The following ASPSCR1 variants were observed in gnomAD, a reference collection of about 807,000 sequenced individuals.
ASPSCR1 encodes the protein ASPSCR1 tether for SLC2A4, UBX domain containing.
ASPSCR1 carries 55 observed loss-of-function variants against 68.9 expected under a neutral mutation model. That is an observed-to-expected ratio of 0.80 (90% CI 0.64 to 1.00). ASPSCR1 has a LOEUF of 1.00. Among genes scored for constraint, ASPSCR1 ranks in the 50% least tolerant of loss-of-function variants. The probability of loss-of-function intolerance (pLI) is 0.00; values close to 1 mark genes in which losing one functional copy is unlikely to be tolerated. For synonymous variants in ASPSCR1, 352 were observed against 332.6 expected, an observed-to-expected ratio of 1.06 and a Z score of -0.63; for missense variants, 765 against 762.2, an observed-to-expected ratio of 1.00 and a Z score of -0.04.
intron 7 of ASPSCR1, among the ~76,000 whole-genome samples, chr17:82,000,377 C>T (rs1470172352): frequency 2.0e-5 from 3 of 152,112 alleles, no homozygotes; most frequent in African/African-American, 4.8e-5. Context: ...GCCTGCATGG[C>T]GTGCTGAGGG....
intron 10 of ASPSCR1, 59 bp from the exon 11 acceptor site, chr17:82,011,484 G>C: frequency 6.6e-7 from 1 of 1,504,896 alleles, no homozygotes; most frequent in Non-Finnish European, 9.0e-7. Flanking sequence ...CAGGTGCTGG[G>C]GCAGCCCGGG....
At chr17:81,998,429 C>T (rs1204030132) in intron 7 of ASPSCR1, among the ~76,000 whole-genome samples, 4 of 152,124 alleles carry the variant, frequency 2.6e-5, no homozygotes, top group African/African-American at 7.2e-5. Flanking sequence ...TGTGTTGCAG[C>T]GAATGGGCCT....
chr17:82,012,222 T>C lies in ASPSCR1; in HGVS notation c.1301-9T>C. The C allele has an allele frequency of 6.2e-7, 1 of 1,613,358 alleles. No homozygotes were observed. The highest frequency in any genetic ancestry group is 8.5e-7 in the Non-Finnish European group (1 of 1,179,718). On this transcript the variant is annotated splice_polypyrimidine_tract_variant and intron_variant, in intron 11 of 15. Transcript: ENST00000306739. ...TGCTTCCTAACACGTAGGTGCCTTC[T>C]CTCCTCAGTCATCACCCCTCCAAAA...
intron 2 of ASPSCR1, among the ~76,000 whole-genome samples, chr17:81,980,908 G>A (rs2041774675): frequency 6.6e-6 from 1 of 152,200 alleles, no homozygotes; most frequent in Non-Finnish European, 1.5e-5. Context: ...GCTCATGCCT[G>A]TAATCCTAGC....
chr17:82,009,009 C>A (rs768552187), intron 7 of ASPSCR1, 28 bp from the exon 8 acceptor site: 15 of 1,477,456 alleles, frequency 1.0e-5, no homozygotes, highest in Admixed American at 2.3e-5. Flanking sequence ...CCGTGACACC[C>A]GCCGTCAGCC....
chr17:82,015,226 G>C, intron 12 of ASPSCR1: 1 of 1,598,284 alleles, frequency 6.3e-7, no homozygotes, highest in Non-Finnish European at 8.5e-7. Flanking sequence ...TCCAGAGGCC[G>C]AGCCTCTCCA....
chr17:81,990,545 G>A lies in ASPSCR1; in HGVS notation c.375-4276G>A, dbSNP rs1419588848. Among the ~76,000 whole-genome samples the A allele has an allele frequency of 6.6e-6, 1 of 151,742 alleles. No individual in the cohort carries two copies. The highest frequency in any genetic ancestry group is 6.6e-5 in the Admixed American group (1 of 15,222). Reference sequence around the variant, plus strand: ...GGACACTGCTCTCTGCCTGCCTGGTGGGCCTGTGTCTGAGTTTGGGATCTT... The same window carrying A: ...GGACACTGCTCTCTGCCTGCCTGGTAGGCCTGTGTCTGAGTTTGGGATCTT... On this transcript the variant is annotated intron_variant, in intron 4 of 15. Transcript: ENST00000306739. This position sits in a 1 kb window ranked among gnomAD's most constrained non-coding sequence, Gnocchi z 4.1.
rs1598391633 is a variant in ASPSCR1 at position 81,985,545 on chromosome 17, G to T, written c.312G>T (p.Leu104Phe). The T allele has an allele frequency of 6.2e-7, 1 of 1,614,086 alleles. No homozygotes were observed. Residue 104 changes from leucine (L) to phenylalanine (F), a missense_variant, in exon 4 of 16, where the codon TTG becomes TTT. Physicochemically the swap from Leu to Phe is conservative, Grantham distance 22. Coordinates refer to ENST00000306739, the MANE Select transcript of ASPSCR1 (RefSeq NM_024083.4). ...IALQLDDGSR[L>F]QDSFCSGQTL... is the part of the protein sequence containing the mutation. Reference sequence around the variant, plus strand: ...TGCAGCTGGACGATGGCTCGAGGTTGCAGGACTCTTTCTGTTCAGGCCAGA... The same window carrying T: ...TGCAGCTGGACGATGGCTCGAGGTTTCAGGACTCTTTCTGTTCAGGCCAGA...
rs769048147 is a variant in ASPSCR1, at chr17:81,994,868, C to T, written c.422C>T (p.Thr141Met). 12 of 1,612,558 alleles carry T rather than the reference C, an allele frequency of 7.4e-6. No individual in the cohort carries two copies. The highest frequency in any genetic ancestry group is 3.3e-5 in the South Asian group (3 of 91,008). ...PGGATPVCVY[T>M]RDEVTGEAAL... ...GGGGCCACCCCAGTCTGCGTGTACA[C>T]GAGGGATGAGGTAGGCGGCCTGCTC... Residue 141 changes from threonine to methionine, a missense_variant, in exon 5 of 16, where the codon ACG becomes ATG. Transcript: ENST00000306739.
intron 3 of ASPSCR1, 26 bp from the exon 4 acceptor site, chr17:81,985,481 A>G (rs745710823): frequency 8.2e-5 from 131 of 1,606,224 alleles, no homozygotes; most frequent in Admixed American, 3.0e-4. Context: ...TTCCTAAGGA[A>G]GTTTCTCATG....
chr17:81,988,057 C>G (rs1461185666), intron 4 of ASPSCR1, among the ~76,000 whole-genome samples: 1 of 149,170 alleles, frequency 6.7e-6, no homozygotes, highest in Non-Finnish European at 1.5e-5. Flanking sequence ...ACTCAGGAGG[C>G]TGAGGCAGAA....
At chr17:82,006,346 G>C (rs775570441) in intron 7 of ASPSCR1, 4 of 152,284 alleles carry the variant, frequency 2.6e-5, no homozygotes, top group Admixed American at 6.5e-5. Context: ...GGTGCATGCA[G>C]GTGTGTGTGT....
Position 81,979,207 on chromosome 17 carries a change from G to A in ASPSCR1, c.126G>A (p.Arg42=). Residue 42 remains arginine (R), a synonymous_variant, in exon 2 of 16, where the codon CGG becomes CGA. Transcript: ENST00000306739. The part of the protein sequence containing the change: ...LLQVLEDTCR[R]QDFNPCEYDL... ...AGGTTCTGGAGGACACGTGCCGGCG[G>A]CAGGACTTCAACCCCTGTGAATATG... is the stretch of plus-strand genomic sequence containing the variant. 1 of 1,614,120 alleles carries A rather than the reference G, an allele frequency of 6.2e-7. No homozygotes were observed. The highest frequency in any genetic ancestry group is 8.5e-7 in the Non-Finnish European group (1 of 1,180,012).
chr17:81,993,294 A>G (rs1436450805), intron 4 of ASPSCR1, among the ~76,000 whole-genome samples: 1 of 152,008 alleles, frequency 6.6e-6, no homozygotes, highest in African/African-American at 2.4e-5. Context: ...GCTCACTGCA[A>G]GCTCCACCTC....
intron 12 of ASPSCR1, chr17:82,016,266 T>C (rs1220563628): frequency 3.4e-6 from 2 of 587,772 alleles, no homozygotes; most frequent in Non-Finnish European, 3.0e-6. Flanking sequence ...GGTGGTCCCA[T>C]GGAGGGCGCT....
chr17:82,010,528 C>CAAAA (rs1193895939), intron 9 of ASPSCR1, among the ~76,000 whole-genome samples: 2 of 57,182 alleles, frequency 3.5e-5, no homozygotes, highest in African/African-American at 1.5e-4. Flanking sequence ...GACTCCATCT[C>CAAAA]AAAAAAAAAA....
intron 6 of ASPSCR1, 146 bp from the exon 7 acceptor site, chr17:81,996,274 C>T: frequency 1.1e-5 from 15 of 1,410,096 alleles, no homozygotes; most frequent in Non-Finnish European, 1.4e-5. Flanking sequence ...GGCGGTGGAT[C>T]TTGGGAGGGC....
chr17:81,999,961 G>A lies in ASPSCR1; in HGVS notation c.933+3115G>A, dbSNP rs1247497260. Among the ~76,000 whole-genome samples the A allele has an allele frequency of 6.6e-6, 1 of 152,220 alleles. No homozygotes were observed. Among genetic ancestry groups the A allele is most frequent in the Non-Finnish European group, 1.5e-5 (1 of 68,036 alleles). On this transcript the variant is annotated intron_variant, in intron 7 of 15. Coordinates refer to ENST00000306739, the MANE Select transcript of ASPSCR1 (RefSeq NM_024083.4). This position sits in a 1 kb window ranked among gnomAD's most constrained non-coding sequence, Gnocchi z 4.4. ...CCTGTTGAGTGGACAAGGGAGTGGG[G>A]AGTGAGGGTGTTGGGTCCATTCTAG...
chr17:81,992,023 C>T (rs945879635), intron 4 of ASPSCR1, among the ~76,000 whole-genome samples: 7 of 152,244 alleles, frequency 4.6e-5, no homozygotes, highest in African/African-American at 1.4e-4. Context: ...GTCCCGCTGG[C>T]TTCTGGCCCT....
Sources: gnomAD v4.1 joint callset for allele counts (sites outside exome capture counted in the v4.1 genomes callset) on GRCh38, gnomAD v4.1.1 for gene constraint, Gnocchi (gnomAD v3.1) non-coding constraint, MANE v1.5 for transcripts, NCBI Gene and HGNC (gene_info 2026-07-23, HGNC 2026-07-21) for gene names.